The following MFSD8 variants were observed in gnomAD, a reference collection of about 807,000 sequenced individuals.
MFSD8 encodes major facilitator superfamily domain containing 8.
MFSD8 carries 55 observed loss-of-function variants against 66.4 expected under a neutral mutation model. The observed-to-expected ratio is 0.83, with a 90% CI of 0.67 to 1.04. The LOEUF is 1.04. Ranked by LOEUF, MFSD8 falls within the 50% of genes least tolerant of loss-of-function variation. The pLI, the probability that MFSD8 is intolerant of heterozygous loss-of-function variation, is 0.00. For synonymous variants in MFSD8, 202 were observed against 212.8 expected, an observed-to-expected ratio of 0.95 and a Z score of 0.44; for missense variants, 550 against 627.6, an observed-to-expected ratio of 0.88 and a Z score of 1.32.
rs34570244 is a variant in MFSD8 at position 127,955,539 on chromosome 4, C to CAAAAA, written c.154+1957_154+1961dup. 7.1e-4 allele frequency among the ~76,000 whole-genome samples: 73 copies of CAAAAA among 102,566 alleles called. 3 individuals are homozygous for CAAAAA. In the East Asian group the frequency reaches 9.5e-3, roughly 13 times the overall value. The allele number at this position is 102,566 out of a possible 152,430, so 67.3% of individuals were successfully genotyped here. ...TGGACGACAGAGCGAGACTTTGTCT[C>CAAAAA]AAAAAAAAAAAAAAAAAAAATGTGG... is the stretch of plus-strand genomic sequence containing the variant. On this transcript the variant is annotated intron_variant, in intron 2 of 11. Coordinates refer to ENST00000641686, the MANE Select transcript of MFSD8 (RefSeq NM_001371596.2).
upstream of MFSD8, chr4:127,965,191 A>T (rs796052737): frequency 6.9e-6 from 11 of 1,602,064 alleles, no homozygotes; most frequent in Non-Finnish European, 9.4e-6. Context: ...GCTTTCTCCC[A>T]TCCCGGGTGG....
intron 9 of MFSD8, among the ~76,000 whole-genome samples, chr4:127,923,664 C>A (rs1415121942): frequency 6.6e-6 from 1 of 151,088 alleles, no homozygotes; most frequent in East Asian, 1.9e-4. Flanking sequence ...ACTGCAAACT[C>A]CGCCTCCCGG....
chr4:127,925,027 C>G (rs1736962333), intron 9 of MFSD8, among the ~76,000 whole-genome samples: 1 of 152,114 alleles, frequency 6.6e-6, no homozygotes, highest in Non-Finnish European at 1.5e-5. Flanking sequence ...GTTGGGAAAA[C>G]TGGCTAGCCA....
chr4:127,962,020 T>G (rs1332595030), intron 1 of MFSD8, among the ~76,000 whole-genome samples: 1 of 151,986 alleles, frequency 6.6e-6, no homozygotes, highest in African/African-American at 2.4e-5. Context: ...AGCCCCAAAT[T>G]AAAGCTGGTG....
rs200387529 is a variant in MFSD8 at position 127,923,552 on chromosome 4, TTTATTATTATTATTATTATTATTA to T, written c.999-1613_999-1590del. Among the ~76,000 whole-genome samples the T allele has an allele frequency of 2.9e-4, 38 of 130,578 alleles. 1 individual carries two copies. The highest frequency in any genetic ancestry group is 5.7e-4 in the Non-Finnish European group (36 of 62,974). The allele number at this position is 130,578 out of a possible 152,430, so 85.7% of individuals were successfully genotyped here. ...TCCAGTATTTTATTTTTTATTTTTA[TTTATTATTATTATTATTATTATTA>T]TTATTATTATTATTATTATTTGAGA... On this transcript the variant is annotated intron_variant, in intron 9 of 11. Coordinates refer to ENST00000641686, the MANE Select transcript of MFSD8 (RefSeq NM_001371596.2).
At chr4:127,925,178 A>G (rs988229070) in intron 9 of MFSD8, among the ~76,000 whole-genome samples, 2 of 152,230 alleles carry the variant, frequency 1.3e-5, no homozygotes, top group African/African-American at 4.8e-5. Flanking sequence ...GGACATAGGC[A>G]TGGGCAAGGA....
chr4:127,925,221 C>T (rs1258789145), intron 9 of MFSD8, among the ~76,000 whole-genome samples: 1 of 152,072 alleles, frequency 6.6e-6, no homozygotes, highest in Non-Finnish European at 1.5e-5. Flanking sequence ...GCAATGGCAA[C>T]AAAAACCAAA....
rs1462440516 is a variant in MFSD8, at chr4:127,943,768, C to G, written c.423G>C (p.Leu141Phe). ...NKYYMLVARG[L>F]LGIGAGNVAV... ...CAACCTTACCTGCTCCAATTCCCAA[C>G]AATCCACGAGCAACCAGCATGTAGT... The change falls in exon 4 of 12, where the codon TTG becomes TTC. Residue 141 changes from leucine to phenylalanine, a missense_variant. Leu to Phe is a conservative substitution (Grantham distance 22, BLOSUM62 0). Coordinates refer to ENST00000641686, the MANE Select transcript of MFSD8 (RefSeq NM_001371596.2). 6.2e-7 allele frequency: 1 copy of G among 1,614,164 alleles called. No homozygotes were observed. Among genetic ancestry groups the G allele is most frequent in the Non-Finnish European group, 8.5e-7 (1 of 1,180,042 alleles).
intron 9 of MFSD8, among the ~76,000 whole-genome samples, chr4:127,923,886 T>C (rs1405736209): frequency 6.6e-6 from 1 of 152,068 alleles, no homozygotes; most frequent in Admixed American, 6.6e-5. Flanking sequence ...GGCCTGGGTT[T>C]GCCAGTATTT....
intron 7 of MFSD8, among the ~76,000 whole-genome samples, chr4:127,935,960 C>A (rs1739001981): frequency 6.6e-6 from 1 of 152,146 alleles, no homozygotes; most frequent in Non-Finnish European, 1.5e-5. Flanking sequence ...AGATGCTCAG[C>A]ATCTCACTAG....
At chr4:127,941,760 C>A (rs1740234585) in intron 5 of MFSD8, among the ~76,000 whole-genome samples, 1 of 152,160 alleles carries the variant, frequency 6.6e-6, no homozygotes, top group African/African-American at 2.4e-5. Context: ...CCACGCATGG[C>A]CTCACTAATT....
rs557817244 is a variant in MFSD8, at chr4:127,931,402, G to A, written c.864-585C>T. Among the ~76,000 whole-genome samples the A allele has an allele frequency of 2.0e-5, 3 of 151,940 alleles. No individual in the cohort carries two copies. The South Asian group carries it at 6.3e-4, about 32-fold the overall frequency. On this transcript the variant is annotated intron_variant, in intron 8 of 11. Coordinates refer to ENST00000641686, the MANE Select transcript of MFSD8 (RefSeq NM_001371596.2). Reference sequence around the variant, plus strand: ...CGCCAAAGTCTCACTCTGTCACCTGGGCTGGAGTGCAGTGGCATGATCTTG... The same window carrying A: ...CGCCAAAGTCTCACTCTGTCACCTGAGCTGGAGTGCAGTGGCATGATCTTG...
chr4:127,953,548 T>G (rs1256901344), intron 2 of MFSD8, among the ~76,000 whole-genome samples: 128 of 132,708 alleles, frequency 9.6e-4, no homozygotes, highest in African/African-American at 3.3e-3. Flanking sequence ...ATTCTGTTTT[T>G]TTTTTTTTTT....
intron 7 of MFSD8, among the ~76,000 whole-genome samples, chr4:127,937,758 A>G (rs1290165237): frequency 6.6e-6 from 1 of 152,186 alleles, no homozygotes; most frequent in Non-Finnish European, 1.5e-5. Flanking sequence ...AACTTCTCCT[A>G]GTTCAAAAAC....
In MFSD8 at chr4:127,942,172, C is replaced by T. The variant is rs1248425785; in HGVS notation, c.440-14G>A. 1 of 1,562,222 alleles carries T rather than the reference C, an allele frequency of 6.4e-7. No individual in the cohort carries two copies. The highest frequency in any genetic ancestry group is 8.8e-7 in the Non-Finnish European group (1 of 1,133,402). ...CTGCTACATTTCCTTAAAAACAAGA[C>T]ACAATAATCCAAAGTAAAAGAAAGT... On this transcript the variant is annotated splice_polypyrimidine_tract_variant and intron_variant, in intron 4 of 11. Coordinates refer to ENST00000641686, the MANE Select transcript of MFSD8 (RefSeq NM_001371596.2).
upstream of MFSD8, chr4:127,965,328 T>A: frequency 6.0e-6 from 4 of 671,616 alleles, no homozygotes; most frequent in African/African-American, 1.8e-5. Context: ...AAGGAGGCTG[T>A]GTCCTCAGCC....
chr4:127,947,409 C>G (rs1295246304), intron 3 of MFSD8, among the ~76,000 whole-genome samples: 6 of 151,820 alleles, frequency 4.0e-5, no homozygotes, highest in African/African-American at 1.5e-4. Context: ...GAAACCCCGT[C>G]TCTACTAAAA....
rs765323039 is a variant in MFSD8, at chr4:127,921,846, A to G, written c.1102+14T>C. 1 of 1,613,854 alleles carries G rather than the reference A, an allele frequency of 6.2e-7. No individual in the cohort carries two copies. The highest frequency in any genetic ancestry group is 8.5e-7 in the Non-Finnish European group (1 of 1,179,718). On this transcript the variant is annotated intron_variant, in intron 10 of 11. Transcript: ENST00000641686. ...TAACAGAGGTTAACATTATAGAATT[A>G]TGTATGGCTATACCTTCCCACTGTA...
chr4:127,926,385 A>G (rs1383372298), intron 9 of MFSD8, among the ~76,000 whole-genome samples: 2 of 110,994 alleles, frequency 1.8e-5, no homozygotes, highest in Admixed American at 2.1e-4. Flanking sequence ...CCTCATATAT[A>G]CCTTCCTTGA....
Sources: allele counts gnomAD v4.1 joint callset (sites outside exome capture counted in the v4.1 genomes callset), GRCh38; gene constraint gnomAD v4.1.1; transcripts MANE v1.5; gene names NCBI Gene and HGNC (gene_info 2026-07-23, HGNC 2026-07-21).